The following TTC39C variants were observed in gnomAD, a reference collection of about 807,000 sequenced individuals.
TTC39C encodes tetratricopeptide repeat domain 39C.
Under a neutral mutation model 76.3 loss-of-function variants are expected in TTC39C, and 33 were observed. That is an observed-to-expected ratio of 0.43 (90% CI 0.33 to 0.58). TTC39C has a LOEUF of 0.58. Ranked by LOEUF, TTC39C falls within the 20% of genes least tolerant of loss-of-function variation. TTC39C has a pLI of 0.04. For synonymous variants in TTC39C, 254 were observed against 260.6 expected, an observed-to-expected ratio of 0.97 and a Z score of 0.24; for missense variants, 595 against 701.4, an observed-to-expected ratio of 0.85 and a Z score of 1.71.
At chr18:24,023,843 C>G (rs2083545470) in intron 1 of TTC39C, among the ~76,000 whole-genome samples, 1 of 120,790 alleles carries the variant, frequency 8.3e-6, no homozygotes, top group Admixed American at 8.5e-5. Flanking sequence ...TGTAATTCCC[C>G]TTTTATGATC....
At position 24,128,981 on chromosome 18, in the gene TTC39C, C is replaced by A; in HGVS notation, c.1516C>A (p.Gln506Lys). The A allele has an allele frequency of 1.2e-6, 2 of 1,612,200 alleles. No homozygotes were observed. Among genetic ancestry groups the A allele is most frequent in the South Asian group, 2.2e-5 (2 of 90,892 alleles). The change falls in exon 11 of 14, where the codon CAG becomes AAG. Residue 506 changes from glutamine (Q) to lysine (K), a missense_variant and splice_region_variant. Physicochemically the swap from Gln to Lys is moderately conservative, Grantham distance 53. Transcript: ENST00000317571. ...KCLGNSEDAV[Q>K]YFQRAVKDEL... ...TCTAGGAAACTCAGAAGATGCTGTT[C>A]AGGTAAACTGTTAATGTTGTCAGGG...
intron 1 of TTC39C, among the ~76,000 whole-genome samples, chr18:23,996,222 C>T (rs540797137): frequency 9.2e-5 from 14 of 152,360 alleles, no homozygotes; most frequent in African/African-American, 2.9e-4. Context: ...AGTAAAATGT[C>T]TCTTTATATC....
chr18:24,072,027 G>T (rs888691914), intron 4 of TTC39C, among the ~76,000 whole-genome samples: 1 of 152,160 alleles, frequency 6.6e-6, no homozygotes, highest in South Asian at 2.1e-4. Context: ...AACCAACAAT[G>T]TGCTCTATTT....
intron 8 of TTC39C, among the ~76,000 whole-genome samples, chr18:24,121,544 A>T (rs978509363): frequency 3.9e-5 from 6 of 152,016 alleles, no homozygotes; most frequent in Non-Finnish European, 8.8e-5. Context: ...GCGCCATTGC[A>T]CTCCGGCCTG....
In TTC39C at chr18:24,120,350, A is replaced by G. The variant is rs181243562; in HGVS notation, c.1186+2118A>G. 4.0e-3 allele frequency among the ~76,000 whole-genome samples: 607 copies of G among 152,258 alleles called. 1 individual carries two copies. Among genetic ancestry groups the G allele is most frequent in the Admixed American group, 8.3e-3 (127 of 15,290 alleles). On this transcript the variant is annotated intron_variant, in intron 8 of 13. Transcript: ENST00000317571. The stretch of plus-strand genomic sequence containing the variant: ...GGCAACAGAGTGAGACTCTGTCTCA[A>G]AAACAAAAGAGTACATGAGGCAGGG...
intron 8 of TTC39C, 125 bp downstream of exon 8, chr18:24,118,357 A>G (rs749288993): frequency 1.5e-4 from 95 of 654,738 alleles, no homozygotes; most frequent in Non-Finnish European, 2.4e-4. Flanking sequence ...CTTCCCCAGC[A>G]TGTTAATGTT....
At chr18:24,125,285 G>C in intron 9 of TTC39C, 142 bp from the exon 10 acceptor site, 1 of 1,105,220 alleles carries the variant, frequency 9.0e-7, no homozygotes, top group Non-Finnish European at 1.3e-6. Flanking sequence ...TTTTTATAGA[G>C]AGAAGAATTG....
chr18:24,112,733 T>C (rs892704559), intron 6 of TTC39C, among the ~76,000 whole-genome samples: 6 of 152,132 alleles, frequency 3.9e-5, no homozygotes, highest in African/African-American at 7.2e-5. Context: ...CTAGAAACAT[T>C]CTGTATGTGA....
chr18:24,008,645 C>T (rs2083371707), intron 1 of TTC39C, among the ~76,000 whole-genome samples: 1 of 152,176 alleles, frequency 6.6e-6, no homozygotes. Context: ...GAGCTAAAAA[C>T]AGAATTCCTA....
chr18:24,076,547 C>T (rs1299320927), intron 4 of TTC39C, among the ~76,000 whole-genome samples: 1 of 151,926 alleles, frequency 6.6e-6, no homozygotes, highest in African/African-American at 2.4e-5. Context: ...TCTGCCTCCT[C>T]CTGCTTGGCC....
chr18:24,127,883 G>T (rs1234746576), intron 10 of TTC39C, among the ~76,000 whole-genome samples: 2 of 152,150 alleles, frequency 1.3e-5, no homozygotes, highest in Non-Finnish European at 2.9e-5. Flanking sequence ...TAATCATGTT[G>T]TGTCACTCTG....
intron 1 of TTC39C, among the ~76,000 whole-genome samples, chr18:23,999,758 C>G (rs946361995): frequency 1.3e-5 from 2 of 152,214 alleles, no homozygotes; most frequent in African/African-American, 4.8e-5. Context: ...GAAGCTGGAG[C>G]TCCCCACTGA....
intron 3 of TTC39C, among the ~76,000 whole-genome samples, chr18:24,066,669 C>T (rs2084169320): frequency 6.6e-6 from 1 of 152,228 alleles, no homozygotes; most frequent in Non-Finnish European, 1.5e-5. Context: ...AAGGGTCTCA[C>T]ATACGTCACT....
rs74257126 is a variant in TTC39C, at chr18:24,080,500, C to T, written c.461-85C>T. ...TTTTTTACATTTTTGGCTTGATTTTCAGGTTACTGTTCAGTATCCTTTACT... is the reference window on the plus strand; with the variant it reads ...TTTTTTACATTTTTGGCTTGATTTTTAGGTTACTGTTCAGTATCCTTTACT... On this transcript the variant is annotated intron_variant, in intron 4 of 13. Transcript: ENST00000317571. 3.7e-4 allele frequency: 386 copies of T among 1,048,024 alleles called. 4 individuals are homozygous for T. In the East Asian group the frequency reaches 9.5e-3, roughly 26 times the overall value. The allele number at this position is 1,048,024 out of a possible 1,614,324, so 64.9% of individuals were successfully genotyped here. A position where few individuals can be genotyped will look rare whatever the true frequency, so the allele number is the denominator to read the frequency against.
rs181810209 is a variant in TTC39C, at chr18:24,087,154, C to T, written c.984+4073C>T. 1.1e-3 allele frequency among the ~76,000 whole-genome samples: 160 copies of T among 152,246 alleles called. 1 individual carries two copies. Among genetic ancestry groups the T allele is most frequent in the Admixed American group, 3.5e-3 (54 of 15,302 alleles). ...AATTGGTAGTTATAATTTTGAATTT[C>T]TGTATTTTCCATTAATGTTCACTTA... On this transcript the variant is annotated intron_variant, in intron 6 of 13. Transcript: ENST00000317571.
chr18:24,053,887 T>G (rs925688739), intron 1 of TTC39C, among the ~76,000 whole-genome samples: 1 of 152,198 alleles, frequency 6.6e-6, no homozygotes, highest in African/African-American at 2.4e-5. Flanking sequence ...CTTTTTGATT[T>G]TTCTTGGCAC....
intron 6 of TTC39C, among the ~76,000 whole-genome samples, chr18:24,092,946 T>C (rs1444191629): frequency 2.7e-4 from 41 of 152,142 alleles, no homozygotes; most frequent in Non-Finnish European, 8.8e-5. Flanking sequence ...CGCACAGCTG[T>C]AGTCCCAGCT....
intron 1 of TTC39C, among the ~76,000 whole-genome samples, chr18:23,996,697 G>C (rs1206594734): frequency 6.6e-6 from 1 of 152,222 alleles, no homozygotes; most frequent in African/African-American, 2.4e-5. Flanking sequence ...ATGAGGCCTA[G>C]AAATCTATAT....
upstream of TTC39C, among the ~76,000 whole-genome samples, chr18:24,009,958 C>A (rs140349781): frequency 6.6e-6 from 1 of 152,232 alleles, no homozygotes; most frequent in Admixed American, 6.5e-5. Context: ...GCAAAAACAG[C>A]CAGGTGAACC....
Sources: gnomAD v4.1 joint callset for allele counts (sites outside exome capture counted in the v4.1 genomes callset) on GRCh38, gnomAD v4.1.1 for gene constraint, MANE v1.5 for transcripts, NCBI Gene and HGNC (gene_info 2026-07-23, HGNC 2026-07-21) for gene names.